The following STK10 variants were observed in gnomAD, a reference collection of about 807,000 sequenced individuals.
STK10 encodes the protein serine/threonine kinase 10, also known as serine/threonine-protein kinase 10.
Under a neutral mutation model 113.8 loss-of-function variants are expected in STK10, and 78 were observed. That is an observed-to-expected ratio of 0.69 (90% CI 0.57 to 0.83). The LOEUF (loss-of-function observed/expected upper bound fraction) is 0.83. Among genes scored for constraint, STK10 ranks in the 40% least tolerant of loss-of-function variants. The pLI is 0.00. For synonymous variants in STK10, 465 were observed against 494.7 expected, an observed-to-expected ratio of 0.94 and a Z score of 0.80; for missense variants, 1,109 against 1,280.1, an observed-to-expected ratio of 0.87 and a Z score of 2.04.
intron 18 of STK10, among the ~76,000 whole-genome samples, chr5:172,045,935 C>A (rs1430722568): frequency 6.6e-6 from 1 of 151,802 alleles, no homozygotes; most frequent in African/African-American, 2.4e-5. Context: ...TGTGATCCAC[C>A]CACCTTGGCC....
At chr5:172,053,895 G>A (rs910833876) in intron 17 of STK10, among the ~76,000 whole-genome samples, 14 of 152,230 alleles carry the variant, frequency 9.2e-5, no homozygotes, top group African/African-American at 3.1e-4. Flanking sequence ...CTGAGGCAGG[G>A]ATCACCCGAG....
rs1176038042 is a variant in STK10 at position 172,082,085 on chromosome 5, C to T, written c.1989+241G>A. 1.3e-5 allele frequency among the ~76,000 whole-genome samples: 2 copies of T among 152,142 alleles called. No individual in the cohort carries two copies. The highest frequency in any genetic ancestry group is 1.5e-5 in the Non-Finnish European group (1 of 68,018). On this transcript the variant is annotated intron_variant, in intron 12 of 18. Coordinates refer to ENST00000176763, the MANE Select transcript of STK10 (RefSeq NM_005990.4). The surrounding 1 kb of genome is among the most constrained non-coding windows in gnomAD (Gnocchi z 4.3). ...AGCTGGGAGGATGTAAAGGAAGCTG[C>T]CTGAGGCCACAGGGTGAGGCCTGCC... is the stretch of plus-strand genomic sequence containing the variant.
At chr5:172,103,226 G>GA (rs1337898640) in intron 7 of STK10, among the ~76,000 whole-genome samples, 1 of 152,224 alleles carries the variant, frequency 6.6e-6, no homozygotes, top group Admixed American at 6.5e-5. Flanking sequence ...TGATCCCGGT[G>GA]TCCTCCCGAG....
intron 1 of STK10, among the ~76,000 whole-genome samples, chr5:172,168,815 A>C (rs913519348): frequency 6.6e-6 from 1 of 152,070 alleles, no homozygotes; most frequent in Non-Finnish European, 1.5e-5. Context: ...TTGTCATGCC[A>C]GGGGTCTCCC....
intron 2 of STK10, among the ~76,000 whole-genome samples, chr5:172,131,254 T>G (rs934865414): frequency 4.6e-5 from 7 of 152,124 alleles, no homozygotes; most frequent in Non-Finnish European, 8.8e-5. Flanking sequence ...CAGGATGGTC[T>G]CGATCTCCTG....
At position 172,096,423 on chromosome 5, in the gene STK10, T is replaced by C; in HGVS notation, c.1005+3A>G. On this transcript the variant is annotated splice_donor_region_variant and intron_variant, in intron 8 of 18. Transcript: ENST00000176763. ...CGCTAAGCCCCACTCTCCCTGGCCTTACGGAGGCGGCATCCACGGCGTCCT... is the reference window on the plus strand; with the variant it reads ...CGCTAAGCCCCACTCTCCCTGGCCTCACGGAGGCGGCATCCACGGCGTCCT... 1.2e-6 allele frequency: 2 copies of C among 1,611,608 alleles called. No individual in the cohort carries two copies. The highest frequency in any genetic ancestry group is 1.7e-6 in the Non-Finnish European group (2 of 1,179,918).
At chr5:172,054,450 C>G (rs1767700329) in intron 17 of STK10, 119 bp downstream of exon 17, 1 of 1,444,446 alleles carries the variant, frequency 6.9e-7, no homozygotes, top group Non-Finnish European at 9.3e-7. Flanking sequence ...AACCATCCAT[C>G]CCGGGCGTGT....
At chr5:172,132,801 G>A (rs7711103) in intron 2 of STK10, among the ~76,000 whole-genome samples, 30,715 of 152,094 alleles carry the variant, frequency 0.2, 3,237 homozygotes, top group Non-Finnish European at 0.25. Flanking sequence ...CTCCTAGTGC[G>A]TGGCAAGCCT....
chr5:172,185,966 G>A (rs1770949128), intron 1 of STK10, among the ~76,000 whole-genome samples: 1 of 152,268 alleles, frequency 6.6e-6, no homozygotes, highest in South Asian at 2.1e-4. Context: ...CAGAGGGGAG[G>A]TGGCAAGGAA....
chr5:172,148,501 A>T (rs1009022204), intron 2 of STK10, among the ~76,000 whole-genome samples: 3 of 152,186 alleles, frequency 2.0e-5, no homozygotes, highest in Non-Finnish European at 4.4e-5. Context: ...CTATTCCAAC[A>T]GCGGGATCCC....
At chr5:172,045,077 G>T in intron 18 of STK10, 55 bp from the exon 19 acceptor site, 3 of 1,598,974 alleles carry the variant, frequency 1.9e-6, no homozygotes, top group Non-Finnish European at 2.6e-6. Context: ...CCACACGTGG[G>T]TCTCCCACTC....
At chr5:172,119,640 G>T (rs1163298341) in intron 3 of STK10, among the ~76,000 whole-genome samples, 1 of 151,990 alleles carries the variant, frequency 6.6e-6, no homozygotes, top group Non-Finnish European at 1.5e-5. Context: ...CGAGGTGGGA[G>T]GATCACGAGG....
At chr5:172,105,803 C>A in intron 6 of STK10, 66 bp from the exon 7 acceptor site, 1 of 1,408,194 alleles carries the variant, frequency 7.1e-7, no homozygotes, top group Non-Finnish European at 1.0e-6. Context: ...CCCCACGTCA[C>A]AGACTCCACT....
rs1189622964 is a variant in STK10 at position 172,082,898 on chromosome 5, T to C, written c.1809+63A>G. The C allele has an allele frequency of 6.3e-7, 1 of 1,594,802 alleles. No homozygotes were observed. The highest frequency in any genetic ancestry group is 1.4e-5 in the African/African-American group (1 of 73,618). ...TACCCAATCATTCCCACTATGTAGC[T>C]TCCACTGAGAGAACACCTGGAGGCA... On this transcript the variant is annotated intron_variant, in intron 11 of 18. Transcript: ENST00000176763. This position sits in a 1 kb window ranked among gnomAD's most constrained non-coding sequence, Gnocchi z 4.3.
intron 10 of STK10, among the ~76,000 whole-genome samples, chr5:172,089,449 GT>G (rs1768643557): frequency 6.6e-6 from 1 of 150,802 alleles, no homozygotes; most frequent in African/African-American, 2.4e-5. Flanking sequence ...TGGATGGATG[GT>G]TAGGTAGATA....
chr5:172,079,080 C>T (rs903866452), intron 12 of STK10, among the ~76,000 whole-genome samples: 5 of 152,188 alleles, frequency 3.3e-5, no homozygotes, highest in African/African-American at 1.2e-4. Flanking sequence ...ATGTACTTCT[C>T]ATTTAATGCT....
intron 3 of STK10, among the ~76,000 whole-genome samples, chr5:172,126,452 T>C (rs565913701): frequency 2.0e-5 from 3 of 152,208 alleles, no homozygotes; most frequent in African/African-American, 7.2e-5. Context: ...TAGTCCCAGC[T>C]ACTCGGGAGG....
intron 7 of STK10, among the ~76,000 whole-genome samples, chr5:172,097,938 G>C (rs948322321): frequency 5.9e-5 from 9 of 152,192 alleles, no homozygotes; most frequent in African/African-American, 2.2e-4. Context: ...GGGCACCCGG[G>C]TATAGCCAGG....
At chr5:172,155,653 G>T (rs1770333112) in intron 2 of STK10, among the ~76,000 whole-genome samples, 1 of 151,830 alleles carries the variant, frequency 6.6e-6, no homozygotes, top group Non-Finnish European at 1.5e-5. Flanking sequence ...CAACAGTAGA[G>T]AAGGGCACAG....
Sources: gnomAD v4.1 joint callset for allele counts (sites outside exome capture counted in the v4.1 genomes callset) on GRCh38, gnomAD v4.1.1 for gene constraint, Gnocchi (gnomAD v3.1) non-coding constraint, MANE v1.5 for transcripts, NCBI Gene and HGNC (gene_info 2026-07-23, HGNC 2026-07-21) for gene names.